Variants in DIP2B observed in about 807,000 individuals in gnomAD.
DIP2B encodes disco-interacting protein 2 homolog B.
Under a neutral mutation model 198.0 loss-of-function variants are expected in DIP2B, and 76 were observed. The observed-to-expected ratio is 0.38, with a 90% confidence interval of 0.32 to 0.46. The LOEUF (loss-of-function observed/expected upper bound fraction) is 0.46. Ranked by LOEUF, DIP2B falls within the 20% of genes least tolerant of loss-of-function variation. The probability of loss-of-function intolerance (pLI) is 0.99; values close to 1 mark genes in which losing one functional copy is unlikely to be tolerated. For missense variants in DIP2B, 1,559 were observed against 1,978.4 expected (o/e 0.79, Z 4.02); for synonymous variants, 701 against 739.1 (o/e 0.95, Z 0.84).
At chr12:50,594,916 G>C (rs1442994430) in intron 1 of DIP2B, among the ~76,000 whole-genome samples, 2 of 152,144 alleles carry the variant, frequency 1.3e-5, no homozygotes, top group Non-Finnish European at 2.9e-5. Flanking sequence ...ATAACTGTCA[G>C]GTTTGAATGA....
At position 50,747,884 on chromosome 12, in the gene DIP2B, C is replaced by T. The variant is rs998826159; in HGVS notation, c.*3045C>T. The T allele has an allele frequency of 6.6e-6, 1 of 152,586 alleles. No homozygotes were observed. Among genetic ancestry groups the T allele is most frequent in the African/African-American group, 2.4e-5 (1 of 41,432 alleles). The allele number at this position is 152,586 out of a possible 1,614,324, so 9.5% of individuals were successfully genotyped here. On this transcript the variant is annotated 3_prime_UTR_variant, in exon 38 of 38. Transcript: ENST00000301180. Reference sequence around the variant, plus strand: ...CCTAGATCCTAGGAATTCAGTGAGACCCTGGGAAGGACCAGCATGCTAATC... The same window carrying T: ...CCTAGATCCTAGGAATTCAGTGAGATCCTGGGAAGGACCAGCATGCTAATC...
intron 1 of DIP2B, among the ~76,000 whole-genome samples, chr12:50,592,357 G>T (rs573267137): frequency 6.6e-6 from 1 of 151,714 alleles, no homozygotes; most frequent in Non-Finnish European, 1.5e-5. Context: ...AATTTTTTTT[G>T]TTGTGACAAG....
chr12:50,619,920 G>A (rs767642597), intron 1 of DIP2B, among the ~76,000 whole-genome samples: 2 of 152,076 alleles, frequency 1.3e-5, no homozygotes, highest in Non-Finnish European at 2.9e-5. Flanking sequence ...AATTAGCTGG[G>A]TGTGATAGCA....
intron 8 of DIP2B, 30 bp from the exon 9 acceptor site, chr12:50,680,642 G>T: frequency 1.3e-6 from 2 of 1,590,766 alleles, no homozygotes; most frequent in South Asian, 2.3e-5. Flanking sequence ...TTTTCTATAT[G>T]ACTGTTGTTT....
At chr12:50,576,676 T>C (rs932293160) in intron 1 of DIP2B, among the ~76,000 whole-genome samples, 4 of 151,500 alleles carry the variant, frequency 2.6e-5, no homozygotes, top group Non-Finnish European at 2.9e-5. Flanking sequence ...AGAGACAGGG[T>C]TTCACCATGT....
At chr12:50,662,999 C>T (rs1222215801) in intron 4 of DIP2B, among the ~76,000 whole-genome samples, 2 of 152,138 alleles carry the variant, frequency 1.3e-5, no homozygotes, top group Admixed American at 1.3e-4. Context: ...GTCCCAGCCA[C>T]TCAGGAGGCT....
chr12:50,568,628 T>G (rs1241102419), intron 1 of DIP2B, among the ~76,000 whole-genome samples: 1 of 152,186 alleles, frequency 6.6e-6, no homozygotes, highest in South Asian at 2.1e-4. Context: ...CTCAGTGGAA[T>G]TGTAAGCTTT....
intron 1 of DIP2B, among the ~76,000 whole-genome samples, chr12:50,561,875 C>T (rs181378525): frequency 2.0e-5 from 3 of 152,278 alleles, no homozygotes; most frequent in South Asian, 2.1e-4. Context: ...TCCTAAAATG[C>T]GGGGATTACA....
intron 2 of DIP2B, 151 bp from the exon 3 acceptor site, chr12:50,640,573 A>G (rs1183356458): frequency 4.0e-6 from 3 of 756,544 alleles, no homozygotes. Flanking sequence ...TCTTTGCATC[A>G]TATTTATGTA....
intron 1 of DIP2B, among the ~76,000 whole-genome samples, chr12:50,581,966 G>A (rs1312231487): frequency 6.6e-6 from 1 of 152,058 alleles, no homozygotes; most frequent in African/African-American, 2.4e-5. Context: ...AGCTGTGCGA[G>A]CCTGCACTGA....
chr12:50,592,178 C>T (rs929660234), intron 1 of DIP2B, among the ~76,000 whole-genome samples: 1 of 151,902 alleles, frequency 6.6e-6, no homozygotes, highest in Admixed American at 6.6e-5. Flanking sequence ...TGCGCCCAGC[C>T]GATCTTTATT....
chr12:50,608,974 T>G (rs755905404), intron 1 of DIP2B, among the ~76,000 whole-genome samples: 7 of 152,070 alleles, frequency 4.6e-5, no homozygotes, highest in African/African-American at 2.4e-5. Flanking sequence ...AAACCCCATC[T>G]CTACTAAAAA....
chr12:50,547,374 T>A (rs1025452888), intron 1 of DIP2B, among the ~76,000 whole-genome samples: 15 of 152,340 alleles, frequency 9.8e-5, no homozygotes, highest in Middle Eastern at 3.4e-3. Flanking sequence ...AAAGCAGGGT[T>A]AATTTTGTGT....
chr12:50,697,533 C>CA (rs1296551000), intron 17 of DIP2B, among the ~76,000 whole-genome samples: 3 of 45,970 alleles, frequency 6.5e-5, no homozygotes, highest in African/African-American at 3.0e-4. Context: ...TATAGATATA[C>CA]TTTTTTTTTT....
chr12:50,641,293 G>T (rs1001912715), intron 3 of DIP2B, among the ~76,000 whole-genome samples: 3 of 152,190 alleles, frequency 2.0e-5, no homozygotes, highest in Non-Finnish European at 4.4e-5. Context: ...GGAGGTGGAG[G>T]TTGCAGTGAG....
chr12:50,677,996 A>AG (rs1240912166), intron 7 of DIP2B, among the ~76,000 whole-genome samples: 2 of 151,078 alleles, frequency 1.3e-5, no homozygotes, highest in Non-Finnish European at 3.0e-5. Context: ...CTCCTCAGGG[A>AG]GTGGTTGGGA....
chr12:50,576,867 T>G (rs1240664809), intron 1 of DIP2B, among the ~76,000 whole-genome samples: 1 of 150,664 alleles, frequency 6.6e-6, no homozygotes, highest in Non-Finnish European at 1.5e-5. Context: ...CCCTTGTTAT[T>G]ATTATTTTTT....
At chr12:50,538,878 A>G (rs1958293684) in intron 1 of DIP2B, among the ~76,000 whole-genome samples, 1 of 152,202 alleles carries the variant, frequency 6.6e-6, no homozygotes, top group Non-Finnish European at 1.5e-5. Context: ...CCAATCATCA[A>G]GATCTAGTGA....
Position 50,704,165 on chromosome 12 carries a change from C to T in DIP2B, c.2351C>T (p.Ser784Phe), listed in dbSNP as rs751369467. ...FEVIPVNSAG[S>F]PVGDVPFIRS... The stretch of plus-strand genomic sequence containing the variant: ...GTAATTCCAGTGAATTCTGCAGGCT[C>T]TCCTGTTGGGGATGTGCCATTCATC... The change falls in exon 20 of 38, where the codon TCT becomes TTT. Residue 784 changes from serine (S) to phenylalanine (F), a missense_variant. Transcript: ENST00000301180. 6.2e-6 allele frequency: 10 copies of T among 1,611,024 alleles called. No individual in the cohort carries two copies. In the Admixed American group the frequency reaches 1.5e-4, roughly 25 times the overall value.
Sources: allele counts gnomAD v4.1 joint callset (sites outside exome capture counted in the v4.1 genomes callset), GRCh38; gene constraint gnomAD v4.1.1; transcripts MANE v1.5; gene names NCBI Gene and HGNC (gene_info 2026-07-23, HGNC 2026-07-21).